TTI2: variants seen among roughly 807,000 people sequenced by gnomAD.
TTI2 encodes TELO2 interacting protein 2.
TTI2 carries 26 observed loss-of-function variants against 44.9 expected under a neutral mutation model. That is an observed-to-expected ratio of 0.58 (90% confidence interval 0.42 to 0.80). TTI2 has a LOEUF of 0.80. Ranked by LOEUF, TTI2 falls within the 30% of genes least tolerant of loss-of-function variation. The probability of loss-of-function intolerance (pLI) is 0.00; values close to 1 mark genes in which losing one functional copy is unlikely to be tolerated. For missense variants in TTI2, 582 were observed against 611.6 expected (o/e 0.95, Z 0.51); for synonymous variants, 254 against 250.9 (o/e 1.01, Z -0.12).
intron 3 of TTI2, among the ~76,000 whole-genome samples, chr8:33,508,087 TAAAAAAAAAAAAAAAAAAAAA>T (rs58891946): frequency 5.6e-4 from 11 of 19,498 alleles, no homozygotes; most frequent in African/African-American, 2.0e-3. Context: ...CTAGCGGTAG[TAAAAAAAAAAAAAAAAAAAAA>T]AAAAAAAAAA....
In TTI2 at chr8:33,512,610, C is replaced by G. The variant is rs1408137003; in HGVS notation, c.4G>C (p.Glu2Gln). 4 of 1,612,556 alleles carry G rather than the reference C, an allele frequency of 2.5e-6. No homozygotes were observed. In the East Asian group the frequency reaches 6.7e-5, roughly 27 times the overall value. Residue 2 changes from glutamate to glutamine, a missense_variant, in exon 2 of 8, where the codon GAG (glutamate) becomes CAG (glutamine). Coordinates refer to ENST00000431156, the MANE Select transcript of TTI2 (RefSeq NM_001102401.4). ...GGGGCTTCCAGAGCGCTGTCAAGCTCCATTCCTGACTGCAGCACCAGAAGG... is the reference window on the plus strand; with the variant it reads ...GGGGCTTCCAGAGCGCTGTCAAGCTGCATTCCTGACTGCAGCACCAGAAGG... M[E>Q]LDSALEAPSQ...
At chr8:33,499,452 T>C in intron 7 of TTI2, 175 bp from the exon 8 acceptor site, 1 of 575,118 alleles carries the variant, frequency 1.7e-6, no homozygotes, top group Admixed American at 3.1e-5. Context: ...TTTAAATTTA[T>C]ATAGCTCTCA....
chr8:33,505,371 C>T (rs1309775047), intron 4 of TTI2, among the ~76,000 whole-genome samples: 1 of 152,050 alleles, frequency 6.6e-6, no homozygotes, highest in African/African-American at 2.4e-5. Flanking sequence ...TTTCTCCCTC[C>T]TAAGAAACTT....
rs956018467 is a variant in TTI2, at chr8:33,507,339, G to A, written c.835-18C>T. On this transcript the variant is annotated intron_variant, in intron 3 of 7. Transcript: ENST00000431156. ...GCAGCTGGCTGCAACCAGACAAATC[G>A]TCAAATTAAAAGAATAGTTTCCCAA... 1.5e-5 allele frequency: 24 copies of A among 1,609,590 alleles called. No homozygotes were observed. The highest frequency in any genetic ancestry group is 5.5e-5 in the South Asian group (5 of 90,926).
intron 2 of TTI2, 123 bp from the exon 3 acceptor site, chr8:33,510,055 C>T: frequency 1.3e-6 from 1 of 742,526 alleles, no homozygotes; most frequent in Admixed American, 2.7e-5. Flanking sequence ...ATACATCGCA[C>T]ATAAGATAAC....
At position 33,509,807 on chromosome 8, in the gene TTI2, T is replaced by A. The variant is rs754799930; in HGVS notation, c.773A>T (p.Asp258Val). ...VLPASLVISD[D>V]YQTENKILGV... The stretch of plus-strand genomic sequence containing the variant: ...CAGGATTTTGTTCTCAGTCTGATAG[T>A]CATCTGAAATGACCAATGATGCGGG... Residue 258 changes from aspartate (D) to valine (V), a missense_variant, in exon 3 of 8, where the codon GAC (aspartate) becomes GTC (valine). Asp to Val is a radical substitution (Grantham distance 152, BLOSUM62 -3). Transcript: ENST00000431156. 6.2e-7 allele frequency: 1 copy of A among 1,614,130 alleles called. No individual in the cohort carries two copies. Among genetic ancestry groups the A allele is most frequent in the Non-Finnish European group, 8.5e-7 (1 of 1,180,024 alleles).
intron 3 of TTI2, among the ~76,000 whole-genome samples, chr8:33,509,320 G>A (rs1303221115): frequency 6.6e-6 from 1 of 151,286 alleles, no homozygotes; most frequent in Non-Finnish European, 1.5e-5. Context: ...AGTTGGGCAT[G>A]GTGGCACGCA....
In TTI2 at chr8:33,499,167, C is replaced by T; in HGVS notation, c.*6G>A. The T allele has an allele frequency of 2.5e-6, 4 of 1,608,028 alleles. No homozygotes were observed. Among genetic ancestry groups the T allele is most frequent in the Non-Finnish European group, 3.4e-6 (4 of 1,174,522 alleles). On this transcript the variant is annotated 3_prime_UTR_variant, in exon 8 of 8. Coordinates refer to ENST00000431156, the MANE Select transcript of TTI2 (RefSeq NM_001102401.4). ...ATCCTTTCCTCTTGGGAAAGTAATA[C>T]AAGTCTTAAGTTCCATTGTAGGGTG...
In TTI2 at chr8:33,512,140, G is replaced by C; in HGVS notation, c.474C>G (p.Ser158Arg). Residue 158 changes from serine (S) to arginine (R), a missense_variant, in exon 2 of 8, where the codon AGC (serine) becomes AGG (arginine). Physicochemically the swap from Ser to Arg is moderately radical, Grantham distance 110 (BLOSUM62 -1). Coordinates refer to ENST00000431156, the MANE Select transcript of TTI2 (RefSeq NM_001102401.4). ...GPVYIFAITH[S>R]LEQPWTTPRS... ...TCGGAGTGGTCCATGGTTGCTCCAA[G>C]CTGTGTGTGATGGCAAAAATATAAA... is the stretch of plus-strand genomic sequence containing the variant. 1 of 1,614,152 alleles carries C rather than the reference G, an allele frequency of 6.2e-7. No individual in the cohort carries two copies. Among genetic ancestry groups the C allele is most frequent in the Non-Finnish European group, 8.5e-7 (1 of 1,180,026 alleles).
chr8:33,502,186 C>G (rs1206011634), intron 6 of TTI2, among the ~76,000 whole-genome samples: 2 of 152,104 alleles, frequency 1.3e-5, no homozygotes, highest in Non-Finnish European at 2.9e-5. Context: ...TTAGGTGATC[C>G]ACCAGCCTTG....
At chr8:33,504,767 A>G (rs1317413709) in intron 4 of TTI2, among the ~76,000 whole-genome samples, 1 of 152,086 alleles carries the variant, frequency 6.6e-6, no homozygotes, top group Non-Finnish European at 1.5e-5. Flanking sequence ...CATGGCTTGG[A>G]CAAGCTTGGT....
rs748093004 is a variant in TTI2 at position 33,499,187 on chromosome 8, A to G, written c.1513T>C (p.Tyr505His). ...TAATACAAGTCTTAAGTTCCATTGT[A>G]GGGTGCGCCTTCAGAAACCTGCTGC... ...KVQQVSEGAPYNGT is the reference protein window; with the variant it reads ...KVQQVSEGAPHNGT Residue 505 changes from tyrosine to histidine, a missense_variant, in exon 8 of 8, where the codon TAC (tyrosine) becomes CAC (histidine). Transcript: ENST00000431156. 6.2e-7 allele frequency: 1 copy of G among 1,613,654 alleles called. No individual in the cohort carries two copies. The highest frequency in any genetic ancestry group is 8.5e-7 in the Non-Finnish European group (1 of 1,179,544).
chr8:33,512,148 T>C lies in TTI2; in HGVS notation c.466A>G (p.Thr156Ala). 1 of 1,614,160 alleles carries C rather than the reference T, an allele frequency of 6.2e-7. No individual in the cohort carries two copies. ...GTCCATGGTTGCTCCAAGCTGTGTG[T>C]GATGGCAAAAATATAAACGGGTCCT... is the stretch of plus-strand genomic sequence containing the variant. ...LAGPVYIFAI[T>A]HSLEQPWTTP... Residue 156 changes from threonine (T) to alanine (A), a missense_variant, in exon 2 of 8, where the codon ACA becomes GCA. Coordinates refer to ENST00000431156, the MANE Select transcript of TTI2 (RefSeq NM_001102401.4).
intron 7 of TTI2, chr8:33,499,647 C>T (rs1242965312): frequency 5.5e-6 from 1 of 181,482 alleles, no homozygotes; most frequent in African/African-American, 2.4e-5. Context: ...CATACTATCT[C>T]TACATATTTT....
Position 33,499,127 on chromosome 8 carries a change from T to G in TTI2, c.*46A>C. 6.8e-7 allele frequency: 1 copy of G among 1,467,044 alleles called. No homozygotes were observed. The highest frequency in any genetic ancestry group is 9.6e-7 in the Non-Finnish European group (1 of 1,046,644). 90.9% of individuals were successfully genotyped at this position (1,467,044 alleles called of 1,614,324 possible). Reference sequence around the variant, plus strand: ...CTTAAATAACTCCATTCATACAAATTGGGATGGGAAGAAAATCCTTTCCTC... The same window carrying G: ...CTTAAATAACTCCATTCATACAAATGGGGATGGGAAGAAAATCCTTTCCTC... On this transcript the variant is annotated 3_prime_UTR_variant, in exon 8 of 8. Transcript: ENST00000431156.
intron 3 of TTI2, among the ~76,000 whole-genome samples, chr8:33,507,664 C>G (rs1809349290): frequency 6.6e-6 from 1 of 151,886 alleles, no homozygotes; most frequent in South Asian, 2.1e-4. Context: ...ATCCATCCCC[C>G]CACCACCTAC....
chr8:33,500,089 C>G, intron 7 of TTI2: 1 of 465,012 alleles, frequency 2.2e-6, no homozygotes, highest in Non-Finnish European at 3.9e-6. Flanking sequence ...TCGTCCTTAG[C>G]CCCAGTGACA....
At chr8:33,512,750 A>G in intron 1 of TTI2, 38 bp from the exon 2 acceptor site, 1 of 1,006,256 alleles carries the variant, frequency 9.9e-7, no homozygotes, top group Non-Finnish European at 1.4e-6. Context: ...GATGTCTTGG[A>G]GGAGGGGGCG....
At position 33,512,117 on chromosome 8, in the gene TTI2, G is replaced by A. The variant is rs567617620; in HGVS notation, c.497C>T (p.Pro166Leu). The stretch of plus-strand genomic sequence containing the variant: ...CTCCCTAGCAACTTCCCGAGATCTC[G>A]GAGTGGTCCATGGTTGCTCCAAGCT... ...THSLEQPWTT[P>L]RSREVAREVL... Residue 166 changes from proline to leucine, a missense_variant, in exon 2 of 8, where the codon CCG (proline) becomes CTG (leucine). Physicochemically the swap from Pro to Leu is moderately conservative, Grantham distance 98. Coordinates refer to ENST00000431156, the MANE Select transcript of TTI2 (RefSeq NM_001102401.4). The A allele has an allele frequency of 7.4e-6, 12 of 1,614,114 alleles. No individual in the cohort carries two copies. The South Asian group carries it at 1.1e-4, about 15-fold the overall frequency.
Sources: gnomAD v4.1 joint callset for allele counts (sites outside exome capture counted in the v4.1 genomes callset) on GRCh38, gnomAD v4.1.1 for gene constraint, MANE v1.5 for transcripts, NCBI Gene and HGNC (gene_info 2026-07-23, HGNC 2026-07-21) for gene names.